Variants in DGKI observed in about 807,000 individuals in gnomAD.
The protein encoded by DGKI is diacylglycerol kinase iota, also known as DAG kinase iota.
A neutral mutation model predicts 147.5 loss-of-function variants in DGKI; 55 were observed. That is an observed-to-expected ratio of 0.37 (90% CI 0.30 to 0.47). DGKI has a LOEUF of 0.47. DGKI is among the 20% of genes least tolerant of loss of function. DGKI has a pLI of 1.00. For synonymous variants in DGKI, 469 were observed against 477.1 expected (o/e 0.98, Z 0.22); for missense variants, 1,007 against 1,323.8 (o/e 0.76, Z 3.71).
chr7:137,761,016 C>T (rs1295084432), intron 1 of DGKI, among the ~76,000 whole-genome samples: 2 of 152,198 alleles, frequency 1.3e-5, no homozygotes, highest in Non-Finnish European at 2.9e-5. Flanking sequence ...TCTTTCCTCT[C>T]AGCATCGAAA....
At chr7:137,425,149 C>A (rs956176954) in intron 28 of DGKI, among the ~76,000 whole-genome samples, 4 of 152,220 alleles carry the variant, frequency 2.6e-5, no homozygotes, top group African/African-American at 7.2e-5. Context: ...AGGCACCCCC[C>A]AGTAGGGGCA....
intron 21 of DGKI, among the ~76,000 whole-genome samples, chr7:137,514,101 C>A (rs1359823275): frequency 2.6e-5 from 4 of 152,132 alleles, no homozygotes; most frequent in African/African-American, 7.2e-5. Flanking sequence ...CTGAGACCCA[C>A]CTTGCTCATG....
chr7:137,463,185 C>T (rs1386868693), intron 27 of DGKI, among the ~76,000 whole-genome samples: 2 of 152,152 alleles, frequency 1.3e-5, no homozygotes, highest in African/African-American at 4.8e-5. Context: ...CAAACAGGGA[C>T]GTGTGATAAA....
At chr7:137,619,033 T>C (rs1355670535) in intron 8 of DGKI, among the ~76,000 whole-genome samples, 1 of 152,150 alleles carries the variant, frequency 6.6e-6, no homozygotes, top group Non-Finnish European at 1.5e-5. Context: ...GACCACCATA[T>C]CATTTAAAGG....
At chr7:137,425,596 A>G (rs756185056) in intron 28 of DGKI, among the ~76,000 whole-genome samples, 1 of 152,062 alleles carries the variant, frequency 6.6e-6, no homozygotes, top group Non-Finnish European at 1.5e-5. Flanking sequence ...CGATCAAATT[A>G]CTCTGAGCTA....
intron 12 of DGKI, among the ~76,000 whole-genome samples, chr7:137,595,252 A>G (rs1365394334): frequency 6.6e-6 from 1 of 152,250 alleles, no homozygotes; most frequent in African/African-American, 2.4e-5. Flanking sequence ...GAGGCTGACA[A>G]TGGCATCAGA....
chr7:137,531,506 C>T (rs1460124455), intron 20 of DGKI, among the ~76,000 whole-genome samples: 1 of 152,076 alleles, frequency 6.6e-6, no homozygotes, highest in Non-Finnish European at 1.5e-5. Context: ...CTTAGTGGAG[C>T]AAGGAGCAGT....
chr7:137,768,944 C>T (rs992805763), intron 1 of DGKI, among the ~76,000 whole-genome samples: 9 of 152,052 alleles, frequency 5.9e-5, no homozygotes, highest in Non-Finnish European at 4.4e-5. Context: ...TTCTGAGGCA[C>T]GTTGTAATAG....
intron 21 of DGKI, among the ~76,000 whole-genome samples, chr7:137,497,234 A>G (rs139125418): frequency 0.012 from 1,808 of 152,310 alleles, 31 homozygotes; most frequent in African/African-American, 0.041. Flanking sequence ...AGTCAAAACC[A>G]CAATGAGATG....
At chr7:137,472,829 G>A (rs1310308912) in intron 23 of DGKI, among the ~76,000 whole-genome samples, 1 of 151,788 alleles carries the variant, frequency 6.6e-6, no homozygotes, top group African/African-American at 2.4e-5. Flanking sequence ...ATGAATAAAG[G>A]GGCTAAAACA....
chr7:137,554,326 A>G (rs1818148463), intron 19 of DGKI, among the ~76,000 whole-genome samples: 2 of 152,328 alleles, frequency 1.3e-5, no homozygotes, highest in South Asian at 4.1e-4. Context: ...AGTCTCTAAG[A>G]GCCCTAATAG....
At chr7:137,555,023 T>A (rs1585226202) in intron 19 of DGKI, among the ~76,000 whole-genome samples, 1 of 150,642 alleles carries the variant, frequency 6.6e-6, no homozygotes, top group Non-Finnish European at 1.5e-5. Context: ...TTCAAGTGAT[T>A]CCCCTGCCTC....
At chr7:137,533,618 C>G (rs1331444246) in intron 20 of DGKI, among the ~76,000 whole-genome samples, 1 of 151,978 alleles carries the variant, frequency 6.6e-6, no homozygotes, top group African/African-American at 2.4e-5. Flanking sequence ...TAACATCAAG[C>G]CAAATGACAT....
chr7:137,740,632 G>A (rs181733589), intron 1 of DGKI, among the ~76,000 whole-genome samples: 151 of 152,130 alleles, frequency 9.9e-4, no homozygotes, highest in African/African-American at 3.5e-3. Context: ...CGATATCCCC[G>A]CACAAAAACA....
intron 21 of DGKI, among the ~76,000 whole-genome samples, chr7:137,509,124 G>A (rs150032683): frequency 6.6e-6 from 1 of 152,162 alleles, no homozygotes; most frequent in Non-Finnish European, 1.5e-5. Flanking sequence ...ATTCTTACTT[G>A]ATGGATGACA....
At chr7:137,691,821 TAAGC>T (rs1563152881) in intron 1 of DGKI, among the ~76,000 whole-genome samples, 18 of 142,016 alleles carry the variant, frequency 1.3e-4, no homozygotes, top group South Asian at 4.5e-4. Flanking sequence ...TTTTTTTTTT[TAAGC>T]CTCTTGTATT....
intron 24 of DGKI, 107 bp from the exon 25 acceptor site, chr7:137,467,049 T>C: frequency 9.6e-7 from 1 of 1,044,866 alleles, no homozygotes; most frequent in South Asian, 1.3e-5. Context: ...ATGGCAGTCA[T>C]GCTAGTCTCC....
intron 19 of DGKI, among the ~76,000 whole-genome samples, chr7:137,557,942 G>T (rs1022724924): frequency 1.3e-5 from 2 of 152,180 alleles, no homozygotes; most frequent in African/African-American, 4.8e-5. Flanking sequence ...TAGCCCTAGA[G>T]GTGACAGAGA....
At chr7:137,531,473 A>G (rs990102663) in intron 20 of DGKI, among the ~76,000 whole-genome samples, 7 of 152,252 alleles carry the variant, frequency 4.6e-5, no homozygotes, top group African/African-American at 1.7e-4. Flanking sequence ...TGTCAGTTGG[A>G]GGGAGGACCA....
Sources: gnomAD v4.1 joint callset for allele counts (sites outside exome capture counted in the v4.1 genomes callset) on GRCh38, gnomAD v4.1.1 for gene constraint, MANE v1.5 for transcripts, NCBI Gene and HGNC (gene_info 2026-07-23, HGNC 2026-07-21) for gene names.